SH3PXD2B: variants seen among roughly 807,000 people sequenced by gnomAD.
SH3PXD2B encodes SH3 and PX domain-containing protein 2B.
SH3PXD2B carries 37 observed loss-of-function variants against 73.1 expected under a neutral mutation model. The observed-to-expected ratio is 0.51, with a 90% CI of 0.39 to 0.67. SH3PXD2B has a LOEUF of 0.67. Among genes scored for constraint, SH3PXD2B ranks in the 30% least tolerant of loss-of-function variants. The probability of loss-of-function intolerance (pLI) is 0.00; values close to 1 mark genes in which losing one functional copy is unlikely to be tolerated. For missense variants in SH3PXD2B, 1,053 were observed against 1,197.8 expected, an observed-to-expected ratio of 0.88 and a Z score of 1.78; for synonymous variants, 457 against 480.5, an observed-to-expected ratio of 0.95 and a Z score of 0.64.
intron 12 of SH3PXD2B, among the ~76,000 whole-genome samples, chr5:172,325,721 G>C (rs1301832541): frequency 1.3e-5 from 2 of 152,146 alleles, no homozygotes; most frequent in East Asian, 3.9e-4. Context: ...ATGAGGGAGG[G>C]GCCCTCCTGG....
intron 2 of SH3PXD2B, among the ~76,000 whole-genome samples, chr5:172,420,170 G>A (rs1758927090): frequency 6.6e-6 from 1 of 152,150 alleles, no homozygotes; most frequent in Non-Finnish European, 1.5e-5. Flanking sequence ...CACTTTAGAT[G>A]GTATCTTAGC....
At chr5:172,441,325 G>A (rs987081391) in intron 1 of SH3PXD2B, among the ~76,000 whole-genome samples, 2 of 152,246 alleles carry the variant, frequency 1.3e-5, no homozygotes, top group African/African-American at 4.8e-5. Flanking sequence ...TGCCTCCAAA[G>A]CCTGCAGCTT....
At chr5:172,355,292 G>T (rs1332695228) in intron 8 of SH3PXD2B, among the ~76,000 whole-genome samples, 2 of 152,228 alleles carry the variant, frequency 1.3e-5, no homozygotes. Flanking sequence ...CTCGGCGGGG[G>T]CCGAGCTGAC....
At chr5:172,431,959 C>G (rs1759256731) in intron 1 of SH3PXD2B, among the ~76,000 whole-genome samples, 1 of 152,120 alleles carries the variant, frequency 6.6e-6, no homozygotes. Context: ...AGCGGATCAC[C>G]TGAGGTCAGG....
chr5:172,351,294 T>C (rs1234961887), intron 9 of SH3PXD2B, among the ~76,000 whole-genome samples: 1 of 152,192 alleles, frequency 6.6e-6, no homozygotes, highest in African/African-American at 2.4e-5. Context: ...CATGCCCAGC[T>C]ATTTATTATT....
chr5:172,450,676 A>G (rs533099632), intron 1 of SH3PXD2B, among the ~76,000 whole-genome samples: 51 of 152,136 alleles, frequency 3.4e-4, no homozygotes, highest in African/African-American at 1.2e-3. Context: ...CCGAGACACT[A>G]ATGCTTCTGT....
In SH3PXD2B at chr5:172,419,015, G is replaced by A. The variant is rs1581324739; in HGVS notation, c.156+3401C>T. Among the ~76,000 whole-genome samples, 5 of 152,142 alleles carry A rather than the reference G, an allele frequency of 3.3e-5. No homozygotes were observed. In the South Asian group the frequency reaches 6.2e-4, roughly 19 times the overall value. The stretch of plus-strand genomic sequence containing the variant: ...CAGAGGGACGGCTGACAGCTAACGC[G>A]CTTACTGAGCCAGGTGCGTCCGCTT... On this transcript the variant is annotated intron_variant, in intron 2 of 12. Coordinates refer to ENST00000311601, the MANE Select transcript of SH3PXD2B (RefSeq NM_001017995.3).
intron 12 of SH3PXD2B, among the ~76,000 whole-genome samples, chr5:172,343,286 C>T (rs776950160): frequency 6.6e-6 from 1 of 152,180 alleles, no homozygotes; most frequent in South Asian, 2.1e-4. Context: ...TACGAGTCAT[C>T]GTCAGCACAT....
chr5:172,440,208 C>T (rs1163061383), intron 1 of SH3PXD2B, among the ~76,000 whole-genome samples: 2 of 152,206 alleles, frequency 1.3e-5, no homozygotes, highest in East Asian at 3.8e-4. Flanking sequence ...ACAAGAGCAC[C>T]CACTACGCGC....
chr5:172,427,114 G>A (rs1053033857), intron 1 of SH3PXD2B, among the ~76,000 whole-genome samples: 6 of 152,156 alleles, frequency 3.9e-5, no homozygotes, highest in Admixed American at 2.6e-4. Context: ...TGATGGATGC[G>A]TGCATAAAGA....
chr5:172,366,325 C>G (rs1021064128), intron 6 of SH3PXD2B, among the ~76,000 whole-genome samples: 6 of 152,184 alleles, frequency 3.9e-5, no homozygotes, highest in Non-Finnish European at 7.4e-5. Context: ...TGGTCTCTGT[C>G]CTGCCCCTCC....
chr5:172,334,510 C>A lies in SH3PXD2B; in HGVS notation c.*3859G>T, dbSNP rs1756641141. 23 of 985,632 alleles carry A rather than the reference C, an allele frequency of 2.3e-5. No homozygotes were observed. The highest frequency in any genetic ancestry group is 2.7e-5 in the Non-Finnish European group (22 of 830,090). 61.1% of individuals were successfully genotyped at this position (985,632 alleles called of 1,614,324 possible). On this transcript the variant is annotated 3_prime_UTR_variant, in exon 13 of 13. Coordinates refer to ENST00000311601, the MANE Select transcript of SH3PXD2B (RefSeq NM_001017995.3). ...AGCCCTGCAGAACGGGCCTGGACAA[C>A]CCTTGGGGGATAAGACAGCCACACA...
chr5:172,428,028 G>A (rs1032286111), intron 1 of SH3PXD2B, among the ~76,000 whole-genome samples: 1 of 151,800 alleles, frequency 6.6e-6, no homozygotes, highest in African/African-American at 2.4e-5. Context: ...CACCCACCTC[G>A]GCCTCCCAAA....
In SH3PXD2B at chr5:172,335,757, G is replaced by C; in HGVS notation, c.*2612C>G. On this transcript the variant is annotated 3_prime_UTR_variant, in exon 13 of 13. Coordinates refer to ENST00000311601, the MANE Select transcript of SH3PXD2B (RefSeq NM_001017995.3). ...AGTCCCCAGGCAAGGACAGCTAGGAGAGTGACTGGCCACCCTGACCCACCC... is the reference window on the plus strand; with the variant it reads ...AGTCCCCAGGCAAGGACAGCTAGGACAGTGACTGGCCACCCTGACCCACCC... The C allele has an allele frequency of 3.2e-6, 4 of 1,231,082 alleles. No homozygotes were observed. The highest frequency in any genetic ancestry group is 4.0e-6 in the Non-Finnish European group (4 of 987,800). 76.3% of individuals were successfully genotyped at this position (1,231,082 alleles called of 1,614,324 possible).
At chr5:172,357,703 C>A (rs1476603737) in intron 8 of SH3PXD2B, among the ~76,000 whole-genome samples, 1 of 152,148 alleles carries the variant, frequency 6.6e-6, no homozygotes, top group Non-Finnish European at 1.5e-5. Flanking sequence ...CCCTGTGTTA[C>A]CCCCCACAGT....
chr5:172,404,335 T>A (rs750314513), intron 3 of SH3PXD2B, among the ~76,000 whole-genome samples: 6 of 151,730 alleles, frequency 4.0e-5, no homozygotes, highest in Non-Finnish European at 7.4e-5. Context: ...TGAGATAGAG[T>A]TTCACTCTTT....
intron 8 of SH3PXD2B, among the ~76,000 whole-genome samples, chr5:172,356,395 C>T (rs902049288): frequency 3.9e-5 from 6 of 152,196 alleles, no homozygotes; most frequent in Admixed American, 3.9e-4. Flanking sequence ...ACATGGATTT[C>T]TTTCCCTTGC....
intron 7 of SH3PXD2B, among the ~76,000 whole-genome samples, chr5:172,361,711 G>A (rs1757407689): frequency 6.6e-6 from 1 of 152,192 alleles, no homozygotes; most frequent in East Asian, 1.9e-4. Flanking sequence ...TGTGGGGTGA[G>A]TGACTGAGTT....
In SH3PXD2B at chr5:172,445,782, A is replaced by T. The variant is rs1205249882; in HGVS notation, c.75+8496T>A. On this transcript the variant is annotated intron_variant, in intron 1 of 12. Transcript: ENST00000311601. This position sits in a 1 kb window ranked among gnomAD's most constrained non-coding sequence, Gnocchi z 5.2. ...AGAAGCAGGCAGGTGAGCTCTGCCCACAGCCCCTCCTCCCTTTACCACCTG... is the reference window on the plus strand; with the variant it reads ...AGAAGCAGGCAGGTGAGCTCTGCCCTCAGCCCCTCCTCCCTTTACCACCTG... Among the ~76,000 whole-genome samples, 1 of 152,218 alleles carries T rather than the reference A, an allele frequency of 6.6e-6. No individual in the cohort carries two copies. The highest frequency in any genetic ancestry group is 1.5e-5 in the Non-Finnish European group (1 of 68,036).
Sources: gnomAD v4.1 joint callset for allele counts (sites outside exome capture counted in the v4.1 genomes callset) on GRCh38, gnomAD v4.1.1 for gene constraint, Gnocchi (gnomAD v3.1) non-coding constraint, MANE v1.5 for transcripts, NCBI Gene and HGNC (gene_info 2026-07-23, HGNC 2026-07-21) for gene names.